Variants in TMPPE observed in about 807,000 individuals in gnomAD.
TMPPE encodes the protein transmembrane protein with metallophosphoesterase domain.
In TMPPE, 16 loss-of-function variants were observed where a neutral mutation model predicts 22.6. The observed-to-expected ratio is 0.71, with a 90% CI of 0.48 to 1.08. TMPPE has a LOEUF of 1.08. Among genes scored for constraint, TMPPE ranks in the 50% least tolerant of loss-of-function variants. TMPPE has a pLI of 0.00. For synonymous variants in TMPPE, 240 were observed against 245.3 expected (o/e 0.98, Z 0.20); for missense variants, 526 against 584.3 (o/e 0.90, Z 1.03).
In TMPPE at chr3:33,096,923, GGACCGCGGGTGGCTGC is replaced by G; in HGVS notation, c.-329_-314del. The G allele has an allele frequency of 6.5e-7, 1 of 1,542,570 alleles. No homozygotes were observed. Among genetic ancestry groups the G allele is most frequent in the Non-Finnish European group, 8.7e-7 (1 of 1,145,024 alleles). On this transcript the variant is annotated 5_prime_UTR_variant, in exon 1 of 2. Transcript: ENST00000342462. ...CGGGGCTCAGGCTCCCCGCCCTGCG[GGACCGCGGGTGGCTGC>G]GACCCCAGCCCGGTTCCCCGCCAGC...
At chr3:33,095,037 C>T (rs530522482) in intron 1 of TMPPE, among the ~76,000 whole-genome samples, 20 of 152,010 alleles carry the variant, frequency 1.3e-4, no homozygotes, top group Admixed American at 1.3e-3. Flanking sequence ...ATGGTAAAAC[C>T]CTGTCTCTAC....
At position 33,093,834 on chromosome 3, in the gene TMPPE, C is replaced by A; in HGVS notation, c.362G>T (p.Cys121Phe). The change falls in exon 2 of 2, where the codon TGC becomes TTC. Residue 121 changes from cysteine to phenylalanine, a missense_variant. Physicochemically the swap from Cys to Phe is radical, Grantham distance 205 (BLOSUM62 -2). Transcript: ENST00000342462. This position sits in a 1 kb window ranked among gnomAD's most constrained non-coding sequence, Gnocchi z 6.0. ...PYLFSLAAYS[C>F]LGAYIIMLFF... ...GAGCATGATGATGTAAGCACCCAGG[C>A]AGGAGTAGGCCGCCAAGGAAAAGAG... 1.9e-6 allele frequency: 3 copies of A among 1,613,534 alleles called. No homozygotes were observed. Among genetic ancestry groups the A allele is most frequent in the Non-Finnish European group, 2.5e-6 (3 of 1,179,714 alleles).
Position 33,092,882 on chromosome 3 carries a change from C to T in TMPPE, c.1314G>A (p.Leu438=), listed in dbSNP as rs1312903004. The T allele has an allele frequency of 4.3e-6, 7 of 1,613,506 alleles. No individual in the cohort carries two copies. Among genetic ancestry groups the T allele is most frequent in the Non-Finnish European group, 5.1e-6 (6 of 1,179,648 alleles). ...GCTCTGTGATCTCGGCCCTGCTACC[C>T]AGCCTCATGGGTATCCCGTAGTAGG... is the stretch of plus-strand genomic sequence containing the variant. ...GTAYYGIPMR[L]GSRAEITELI... is the part of the protein sequence containing the mutation. The change falls in exon 2 of 2, where the codon CTG becomes CTA. Residue 438 remains leucine, a synonymous_variant. Coordinates refer to ENST00000342462, the MANE Select transcript of TMPPE (RefSeq NM_001039770.3).
At position 33,090,575 on chromosome 3, in the gene TMPPE, A is replaced by G; in HGVS notation, c.*2259T>C. ...ACAAATGAAATTGAAAGAATGATCAAGCTTCAAGTAACGTTTCTCACCACC... is the reference window on the plus strand; with the variant it reads ...ACAAATGAAATTGAAAGAATGATCAGGCTTCAAGTAACGTTTCTCACCACC... On this transcript the variant is annotated 3_prime_UTR_variant, in exon 2 of 2. Transcript: ENST00000342462. 1 of 985,486 alleles carries G rather than the reference A, an allele frequency of 1.0e-6. No individual in the cohort carries two copies. The highest frequency in any genetic ancestry group is 4.7e-5 in the South Asian group (1 of 21,292). The allele number at this position is 985,486 out of a possible 1,614,324, so 61.0% of individuals were successfully genotyped here.
Position 33,096,793 on chromosome 3 carries a change from G to T in TMPPE, c.-183C>A, listed in dbSNP as rs1202513706. 1.2e-5 allele frequency: 16 copies of T among 1,345,856 alleles called. No homozygotes were observed. Among genetic ancestry groups the T allele is most frequent in the South Asian group, 1.1e-4 (6 of 54,722 alleles). 83.4% of individuals were successfully genotyped at this position (1,345,856 alleles called of 1,614,324 possible). A position where few individuals can be genotyped will look rare whatever the true frequency, so the allele number is the denominator to read the frequency against. On this transcript the variant is annotated 5_prime_UTR_variant, in exon 1 of 2. Transcript: ENST00000342462. Reference sequence around the variant, plus strand: ...GGCGGCCGGAGCGGAACGCACAAGCGACCGAGCTGCCTGGAAGGACGCGCG... The same window carrying T: ...GGCGGCCGGAGCGGAACGCACAAGCTACCGAGCTGCCTGGAAGGACGCGCG...
In TMPPE at chr3:33,093,426, G is replaced by A. The variant is rs762915964; in HGVS notation, c.770C>T (p.Thr257Met). ...LSDSEASVLRTAVAPLGQLHS... is the reference protein window; with the variant it reads ...LSDSEASVLRMAVAPLGQLHS... ...AAGCTGGCCCAGAGGAGCGACAGCC[G>A]TCCGCAGGACCGAGGCTTCTGAGTC... The change falls in exon 2 of 2, where the codon ACG becomes ATG. Residue 257 changes from threonine (T) to methionine (M), a missense_variant. By Grantham distance (81) the Thr-to-Met change is moderately conservative. Coordinates refer to ENST00000342462, the MANE Select transcript of TMPPE (RefSeq NM_001039770.3). The surrounding 1 kb of genome is among the most constrained non-coding windows in gnomAD (Gnocchi z 6.0). 10 of 1,614,074 alleles carry A rather than the reference G, an allele frequency of 6.2e-6. No individual in the cohort carries two copies. Among genetic ancestry groups the A allele is most frequent in the Non-Finnish European group, 6.8e-6 (8 of 1,180,020 alleles).
chr3:33,093,802 G>A lies in TMPPE; in HGVS notation c.394C>T (p.Leu132Phe), dbSNP rs1461377912. 3 of 1,613,548 alleles carry A rather than the reference G, an allele frequency of 1.9e-6. No individual in the cohort carries two copies. The highest frequency in any genetic ancestry group is 2.5e-6 in the Non-Finnish European group (3 of 1,179,720). Residue 132 changes from leucine to phenylalanine, a missense_variant, in exon 2 of 2, where the codon CTC (leucine) becomes TTC (phenylalanine). Coordinates refer to ENST00000342462, the MANE Select transcript of TMPPE (RefSeq NM_001039770.3). The surrounding 1 kb of genome is among the most constrained non-coding windows in gnomAD (Gnocchi z 6.0). Reference protein sequence around the residue: ...LGAYIIMLFFLFILSGMEQAY... With the variant: ...LGAYIIMLFFFFILSGMEQAY... ...TGCTCCATGCCGCTGAGGATGAAGAGGAAGAAGAGCATGATGATGTAAGCA... is the reference window on the plus strand; with the variant it reads ...TGCTCCATGCCGCTGAGGATGAAGAAGAAGAAGAGCATGATGATGTAAGCA...
Position 33,091,678 on chromosome 3 carries a change from G to C in TMPPE, c.*1156C>G. ...CATTTTAGGGTTGATGGAAACCAAG[G>C]CTGAGTGAGGGAAAGTCACCCACCC... is the stretch of plus-strand genomic sequence containing the variant. On this transcript the variant is annotated 3_prime_UTR_variant, in exon 2 of 2. Transcript: ENST00000342462. 1 of 985,150 alleles carries C rather than the reference G, an allele frequency of 1.0e-6. No homozygotes were observed. The highest frequency in any genetic ancestry group is 1.7e-5 in the African/African-American group (1 of 57,336). 61.0% of individuals were successfully genotyped at this position (985,150 alleles called of 1,614,324 possible).
At chr3:33,096,267 T>C (rs939516048) in intron 1 of TMPPE, 2 of 491,902 alleles carry the variant, frequency 4.1e-6, no homozygotes, top group Admixed American at 6.4e-5. Context: ...CCTCAGCCAG[T>C]CGCCTCAGCT....
Position 33,093,818 on chromosome 3 carries a change from G to A in TMPPE, c.378C>T (p.Ile126=), listed in dbSNP as rs993380472. ...GGATGAAGAGGAAGAAGAGCATGATGATGTAAGCACCCAGGCAGGAGTAGG... is the reference window on the plus strand; with the variant it reads ...GGATGAAGAGGAAGAAGAGCATGATAATGTAAGCACCCAGGCAGGAGTAGG... ...LAAYSCLGAY[I]IMLFFLFILS... Residue 126 remains isoleucine (I), a synonymous_variant, in exon 2 of 2, where the codon ATC becomes ATT. Transcript: ENST00000342462. The surrounding 1 kb of genome is among the most constrained non-coding windows in gnomAD (Gnocchi z 6.0). 1.2e-6 allele frequency: 2 copies of A among 1,613,434 alleles called. No homozygotes were observed. Among genetic ancestry groups the A allele is most frequent in the African/African-American group, 2.7e-5 (2 of 74,920 alleles).
rs755668722 is a variant in TMPPE at position 33,097,018 on chromosome 3, C to T, written c.-408G>A. On this transcript the variant is annotated 5_prime_UTR_variant, in exon 1 of 2. Transcript: ENST00000342462. Reference sequence around the variant, plus strand: ...CGGGTCCCGCAGACTTACGCGCAAGCCGCGCGTAGGGCCCAGAAGCAGCAG... The same window carrying T: ...CGGGTCCCGCAGACTTACGCGCAAGTCGCGCGTAGGGCCCAGAAGCAGCAG... 1.7e-5 allele frequency: 27 copies of T among 1,612,074 alleles called. No individual in the cohort carries two copies. The highest frequency in any genetic ancestry group is 1.6e-4 in the Middle Eastern group (1 of 6,074).
chr3:33,092,228 G>A lies in TMPPE; in HGVS notation c.*606C>T. The A allele has an allele frequency of 2.0e-6, 2 of 985,722 alleles. No homozygotes were observed. The highest frequency in any genetic ancestry group is 2.4e-6 in the Non-Finnish European group (2 of 830,190). The allele number at this position is 985,722 out of a possible 1,614,324, so 61.1% of individuals were successfully genotyped here. A position where few individuals can be genotyped will look rare whatever the true frequency, so the allele number is the denominator to read the frequency against. ...ATAGCATCCCTCAAGGCCTGGAACA[G>A]GAGGAGCTTTGCATTCCAGTAGATT... is the stretch of plus-strand genomic sequence containing the variant. On this transcript the variant is annotated 3_prime_UTR_variant, in exon 2 of 2. Coordinates refer to ENST00000342462, the MANE Select transcript of TMPPE (RefSeq NM_001039770.3).
intron 1 of TMPPE, 91 bp downstream of exon 1, chr3:33,096,628 G>A (rs1701041323): frequency 9.3e-7 from 1 of 1,069,568 alleles, no homozygotes; most frequent in South Asian, 3.2e-5. Flanking sequence ...GGAAAGCGAG[G>A]GCGCCCCAAA....
Position 33,092,591 on chromosome 3 carries a change from T to C in TMPPE, c.*243A>G. 1 of 1,313,842 alleles carries C rather than the reference T, an allele frequency of 7.6e-7. No individual in the cohort carries two copies. Among genetic ancestry groups the C allele is most frequent in the Non-Finnish European group, 9.7e-7 (1 of 1,030,938 alleles). The allele number at this position is 1,313,842 out of a possible 1,614,324, so 81.4% of individuals were successfully genotyped here. On this transcript the variant is annotated 3_prime_UTR_variant, in exon 2 of 2. Transcript: ENST00000342462. ...TGGAAAATAGAGGGGAGTGCTAATA[T>C]ATGTGACCTTAGTGATCTCACAAGT...
In TMPPE at chr3:33,092,745, G is replaced by C. The variant is rs1159813295; in HGVS notation, c.*89C>G. 8 of 1,512,506 alleles carry C rather than the reference G, an allele frequency of 5.3e-6. No homozygotes were observed. Among genetic ancestry groups the C allele is most frequent in the Non-Finnish European group, 6.2e-6 (7 of 1,132,986 alleles). 93.7% of individuals were successfully genotyped at this position (1,512,506 alleles called of 1,614,324 possible). On this transcript the variant is annotated 3_prime_UTR_variant, in exon 2 of 2. Coordinates refer to ENST00000342462, the MANE Select transcript of TMPPE (RefSeq NM_001039770.3). ...GTGTAGGCAAGGATGAGTGGGCAAG[G>C]CTGGAGGGGAAAAGCAGGCAAACCA... is the stretch of plus-strand genomic sequence containing the variant.
In TMPPE at chr3:33,090,966, G is replaced by A; in HGVS notation, c.*1868C>T. 1.0e-6 allele frequency: 1 copy of A among 985,278 alleles called. No individual in the cohort carries two copies. Among genetic ancestry groups the A allele is most frequent in the Non-Finnish European group, 1.2e-6 (1 of 829,882 alleles). The allele number at this position is 985,278 out of a possible 1,614,324, so 61.0% of individuals were successfully genotyped here. A position where few individuals can be genotyped will look rare whatever the true frequency, so the allele number is the denominator to read the frequency against. On this transcript the variant is annotated 3_prime_UTR_variant, in exon 2 of 2. Transcript: ENST00000342462. ...ACTTAATGAAAGCTAATTTCATCAAGCCCAGGTCACTGATGAGAAAGATGT... is the reference window on the plus strand; with the variant it reads ...ACTTAATGAAAGCTAATTTCATCAAACCCAGGTCACTGATGAGAAAGATGT...
chr3:33,091,136 A>T lies in TMPPE; in HGVS notation c.*1698T>A. On this transcript the variant is annotated 3_prime_UTR_variant, in exon 2 of 2. Transcript: ENST00000342462. Reference sequence around the variant, plus strand: ...TAAAGGGAGTAAGGATGATTCACAAAATGCGGTCGGGACACAAGAAAAGTG... The same window carrying T: ...TAAAGGGAGTAAGGATGATTCACAATATGCGGTCGGGACACAAGAAAAGTG... 3 of 985,428 alleles carry T rather than the reference A, an allele frequency of 3.0e-6. No individual in the cohort carries two copies. Among genetic ancestry groups the T allele is most frequent in the Non-Finnish European group, 3.6e-6 (3 of 829,928 alleles). The allele number at this position is 985,428 out of a possible 1,614,324, so 61.0% of individuals were successfully genotyped here.
rs949776705 is a variant in TMPPE at position 33,092,852 on chromosome 3, G to C, written c.1344C>G (p.Ile448Met). 6.2e-7 allele frequency: 1 copy of C among 1,607,370 alleles called. No homozygotes were observed. Among genetic ancestry groups the C allele is most frequent in the Non-Finnish European group, 8.5e-7 (1 of 1,176,010 alleles). Residue 448 changes from isoleucine (I) to methionine (M), a missense_variant, in exon 2 of 2, where the codon ATC (isoleucine) becomes ATG (methionine). By Grantham distance (10) the Ile-to-Met change is conservative. Transcript: ENST00000342462. ...GGCCAGTTCAGGGAGACCGCTGCAG[G>C]ATGAGCTCTGTGATCTCGGCCCTGC... The part of the protein sequence containing the change: ...LGSRAEITEL[I>M]LQRSP
In TMPPE at chr3:33,092,694, T is replaced by C. The variant is rs1700815605; in HGVS notation, c.*140A>G. The C allele has an allele frequency of 2.8e-6, 4 of 1,437,950 alleles. No homozygotes were observed. The highest frequency in any genetic ancestry group is 3.6e-6 in the Non-Finnish European group (4 of 1,097,952). The allele number at this position is 1,437,950 out of a possible 1,614,324, so 89.1% of individuals were successfully genotyped here. On this transcript the variant is annotated 3_prime_UTR_variant, in exon 2 of 2. Transcript: ENST00000342462. ...CAGGCAGGCCCACCATAAGTCACTGTTTGAGTCAGGCTTGTGACCAAGGGT... is the reference window on the plus strand; with the variant it reads ...CAGGCAGGCCCACCATAAGTCACTGCTTGAGTCAGGCTTGTGACCAAGGGT...
Sources: allele counts gnomAD v4.1 joint callset (sites outside exome capture counted in the v4.1 genomes callset), GRCh38; gene constraint gnomAD v4.1.1; non-coding constraint Gnocchi (gnomAD v3.1); transcripts MANE v1.5; gene names NCBI Gene and HGNC (gene_info 2026-07-23, HGNC 2026-07-21).